Variants in COL23A1 observed in about 807,000 individuals in gnomAD.
COL23A1 encodes the protein collagen alpha-1(XXIII) chain.
Under a neutral mutation model 99.3 loss-of-function variants are expected in COL23A1, and 97 were observed. The ratio of observed to expected loss-of-function variants is 0.98; its 90% confidence interval spans 0.83 to 1.16. The LOEUF (loss-of-function observed/expected upper bound fraction) is 1.16, where lower values mean the gene tolerates loss of function less well. Ranked by LOEUF, COL23A1 falls within the 50% of genes most tolerant of loss-of-function variation. The pLI, the probability that COL23A1 is intolerant of heterozygous loss-of-function variation, is 0.00. For synonymous variants in COL23A1, 320 were observed against 308.2 expected (o/e 1.04, Z -0.40); for missense variants, 762 against 757.4 (o/e 1.01, Z -0.07).
intron 2 of COL23A1, among the ~76,000 whole-genome samples, chr5:178,537,209 A>C (rs1761016357): frequency 7.2e-6 from 1 of 138,956 alleles, no homozygotes; most frequent in Non-Finnish European, 1.6e-5. Context: ...CCATCTCTAG[A>C]CTTCTCTTAG....
intron 2 of COL23A1, among the ~76,000 whole-genome samples, chr5:178,423,537 C>T (rs1034032115): frequency 2.6e-5 from 4 of 152,112 alleles, no homozygotes; most frequent in African/African-American, 9.7e-5. Context: ...CCGCGATGCT[C>T]GATAGGTTAG....
At chr5:178,567,230 A>T (rs1449056130) in intron 1 of COL23A1, among the ~76,000 whole-genome samples, 1 of 152,212 alleles carries the variant, frequency 6.6e-6, no homozygotes, top group Admixed American at 6.5e-5. Flanking sequence ...AAACAGTCAT[A>T]CCCTAGTAGT....
At chr5:178,461,988 A>T (rs1390941465) in intron 2 of COL23A1, among the ~76,000 whole-genome samples, 1 of 152,254 alleles carries the variant, frequency 6.6e-6, no homozygotes, top group Non-Finnish European at 1.5e-5. Context: ...CCAGGCAATC[A>T]GACGGTGCAC....
chr5:178,373,692 A>G (rs1762919316), intron 2 of COL23A1, among the ~76,000 whole-genome samples: 1 of 152,238 alleles, frequency 6.6e-6, no homozygotes, highest in Non-Finnish European at 1.5e-5. Flanking sequence ...CTGGGATTAC[A>G]GGTGTGAGCC....
chr5:178,330,696 G>C (rs1406616598), intron 2 of COL23A1, among the ~76,000 whole-genome samples: 1 of 150,708 alleles, frequency 6.6e-6, no homozygotes, highest in Non-Finnish European at 1.5e-5. Context: ...ACCTTGGCCT[G>C]TGTGGCCCTG....
At chr5:178,312,095 C>T (rs1758724842) in intron 2 of COL23A1, among the ~76,000 whole-genome samples, 1 of 152,188 alleles carries the variant, frequency 6.6e-6, no homozygotes, top group South Asian at 2.1e-4. Context: ...TGCACCTCAG[C>T]AACACTGCAG....
chr5:178,275,936 C>T (rs1011350348), intron 5 of COL23A1, among the ~76,000 whole-genome samples: 3 of 152,158 alleles, frequency 2.0e-5, no homozygotes, highest in Admixed American at 6.5e-5. Flanking sequence ...GGGTCTCCTC[C>T]ATCTCCTTGC....
intron 2 of COL23A1, among the ~76,000 whole-genome samples, chr5:178,315,201 C>T (rs953391402): frequency 3.3e-5 from 5 of 152,226 alleles, no homozygotes; most frequent in African/African-American, 9.6e-5. Context: ...GGACCCATGA[C>T]GCATCCTGGT....
intron 2 of COL23A1, among the ~76,000 whole-genome samples, chr5:178,496,929 G>A (rs932316908): frequency 4.6e-5 from 7 of 152,146 alleles, no homozygotes; most frequent in African/African-American, 9.7e-5. Flanking sequence ...ACATGGGAGC[G>A]TGAGACCTGA....
chr5:178,288,853 C>T (rs1044972066), intron 4 of COL23A1, among the ~76,000 whole-genome samples: 1 of 152,218 alleles, frequency 6.6e-6, no homozygotes, highest in African/African-American at 2.4e-5. Context: ...GACCCTGGAG[C>T]AGTGACCACC....
intron 2 of COL23A1, among the ~76,000 whole-genome samples, chr5:178,346,316 C>T (rs1242262823): frequency 6.6e-6 from 1 of 152,160 alleles, no homozygotes; most frequent in Non-Finnish European, 1.5e-5. Flanking sequence ...TCACTGCAAC[C>T]TCCACCTCCC....
At position 178,300,187 on chromosome 5, in the gene COL23A1, T is replaced by C. The variant is rs371003234; in HGVS notation, c.406+6688A>G. 1.1e-4 allele frequency among the ~76,000 whole-genome samples: 16 copies of C among 152,056 alleles called. No homozygotes were observed. The East Asian group carries it at 2.5e-3, about 24-fold the overall frequency. Reference sequence around the variant, plus strand: ...GTTTAAGCAATTCTCTGCCTCAGCCTCTGGAGTAGCTGGGATTACAGGCGT... The same window carrying C: ...GTTTAAGCAATTCTCTGCCTCAGCCCCTGGAGTAGCTGGGATTACAGGCGT... On this transcript the variant is annotated intron_variant, in intron 3 of 28. Coordinates refer to ENST00000390654, the MANE Select transcript of COL23A1 (RefSeq NM_173465.4).
chr5:178,374,817 A>T (rs1312679411), intron 2 of COL23A1, among the ~76,000 whole-genome samples: 1 of 152,240 alleles, frequency 6.6e-6, no homozygotes, highest in Non-Finnish European at 1.5e-5. Context: ...CTGGCAGCTT[A>T]ATCAAACAGC....
chr5:178,516,816 T>C (rs1192880684), intron 2 of COL23A1, among the ~76,000 whole-genome samples: 2 of 152,168 alleles, frequency 1.3e-5, no homozygotes, highest in Non-Finnish European at 2.9e-5. Flanking sequence ...GTCCACCCCA[T>C]GATCCCTGCA....
chr5:178,530,585 G>A (rs537128103), intron 2 of COL23A1, among the ~76,000 whole-genome samples: 1 of 152,248 alleles, frequency 6.6e-6, no homozygotes, highest in East Asian at 1.9e-4. Context: ...TAGGAAAGGC[G>A]ATGCAGCCTC....
intron 5 of COL23A1, among the ~76,000 whole-genome samples, chr5:178,284,591 G>C (rs1324730395): frequency 6.6e-6 from 1 of 152,106 alleles, no homozygotes; most frequent in Non-Finnish European, 1.5e-5. Context: ...GATAATCATG[G>C]AAATAAGCTA....
At chr5:178,473,262 G>T (rs1214483497) in intron 2 of COL23A1, among the ~76,000 whole-genome samples, 1 of 152,046 alleles carries the variant, frequency 6.6e-6, no homozygotes, top group Non-Finnish European at 1.5e-5. Context: ...AAGTATGAGG[G>T]AGGATGTACT....
intron 2 of COL23A1, among the ~76,000 whole-genome samples, chr5:178,312,362 C>T (rs1758742494): frequency 6.6e-6 from 1 of 152,212 alleles, no homozygotes; most frequent in Non-Finnish European, 1.5e-5. Context: ...AGAGCAGCAT[C>T]AGCACAGTAA....
At chr5:178,565,623 G>A (rs929136663) in intron 1 of COL23A1, among the ~76,000 whole-genome samples, 1 of 152,052 alleles carries the variant, frequency 6.6e-6, no homozygotes, top group Non-Finnish European at 1.5e-5. Flanking sequence ...CAGACACTGC[G>A]CCAATTGCTA....
Sources: allele counts gnomAD v4.1 joint callset (sites outside exome capture counted in the v4.1 genomes callset), GRCh38; gene constraint gnomAD v4.1.1; transcripts MANE v1.5; gene names NCBI Gene and HGNC (gene_info 2026-07-23, HGNC 2026-07-21).